Variants in ZNF7 observed in about 807,000 individuals in gnomAD.
ZNF7 encodes the protein zinc finger protein 7.
A neutral mutation model predicts 12.0 loss-of-function variants in ZNF7; 10 were observed. The observed-to-expected ratio is 0.83, with a 90% CI of 0.51 to 1.42. The LOEUF (loss-of-function observed/expected upper bound fraction) is 1.42, where lower values mean the gene tolerates loss of function less well. ZNF7 is among the 40% of genes most tolerant of loss of function. The pLI is 0.00. For synonymous variants in ZNF7, 334 were observed against 295.0 expected (o/e 1.13, Z -1.35); for missense variants, 854 against 837.2 (o/e 1.02, Z -0.25).
At chr8:144,829,306 G>A in intron 2 of ZNF7, 172 bp from the exon 3 acceptor site, 2 of 1,536,960 alleles carry the variant, frequency 1.3e-6, no homozygotes, top group South Asian at 1.2e-5. Context: ...CCATGGACTG[G>A]GTTCCTTCCT....
chr8:144,829,985 C>T (rs752934582), intron 3 of ZNF7: 20 of 163,974 alleles, frequency 1.2e-4, no homozygotes, highest in African/African-American at 2.1e-4. Context: ...TTGCAGATGC[C>T]GTCATCCCCT....
chr8:144,846,559 T>C (rs191521804), downstream of ZNF7: 1 of 193,552 alleles, frequency 5.2e-6, no homozygotes, highest in East Asian at 1.2e-4. Flanking sequence ...TGAAGGATTA[T>C]TTTTCCTCTC....
intron 3 of ZNF7, 109 bp downstream of exon 3, chr8:144,829,713 G>A: frequency 7.1e-7 from 1 of 1,403,772 alleles, no homozygotes; most frequent in Non-Finnish European, 9.5e-7. Flanking sequence ...GACCCTTGTG[G>A]GCTCCACAGG....
chr8:144,829,682 G>T lies in ZNF7; in HGVS notation c.130+78G>T, dbSNP rs1445153643. 3.3e-6 allele frequency: 5 copies of T among 1,525,416 alleles called. No homozygotes were observed. Among genetic ancestry groups the T allele is most frequent in the Admixed American group, 2.1e-5 (1 of 48,396 alleles). 94.5% of individuals were successfully genotyped at this position (1,525,416 alleles called of 1,614,324 possible). On this transcript the variant is annotated intron_variant, in intron 3 of 4. Coordinates refer to ENST00000532777, the MANE Select transcript of ZNF7 (RefSeq NM_003416.4). ...CAGCCAGGCCTCCATCAGAGGCTGGGGTATGCAGGCCAAACGCTCAGACCC... is the reference window on the plus strand; with the variant it reads ...CAGCCAGGCCTCCATCAGAGGCTGGTGTATGCAGGCCAAACGCTCAGACCC...
downstream of ZNF7, chr8:144,845,941 C>G (rs1448134830): frequency 6.5e-7 from 1 of 1,530,518 alleles, no homozygotes; most frequent in South Asian, 1.2e-5. Flanking sequence ...ACCTTCAGGT[C>G]TAGCACAGGG....
chr8:144,827,647 C>G, intron 1 of ZNF7, 38 bp downstream of exon 1: 1 of 985,534 alleles, frequency 1.0e-6, no homozygotes, highest in Middle Eastern at 5.2e-4. Context: ...GGGTTGCCCT[C>G]GGTCCGAGTG....
In ZNF7 at chr8:144,829,623, G is replaced by T. The variant is rs141707956; in HGVS notation, c.130+19G>T. 1,607 of 1,592,964 alleles carry T rather than the reference G, an allele frequency of 1.0e-3. 15 individuals carry two copies. The African/African-American group carries it at 0.019, about 19-fold the overall frequency. Reference sequence around the variant, plus strand: ...GGACTAGGTGAGGCTGCACCTTGGGGCCCCTTCCCCTGCATCATCAGTCAG... The same window carrying T: ...GGACTAGGTGAGGCTGCACCTTGGGTCCCCTTCCCCTGCATCATCAGTCAG... On this transcript the variant is annotated intron_variant, in intron 3 of 4. Coordinates refer to ENST00000532777, the MANE Select transcript of ZNF7 (RefSeq NM_003416.4).
chr8:144,837,371 C>T lies in ZNF7; in HGVS notation c.131-20C>T, dbSNP rs748647633. 1.5e-5 allele frequency: 24 copies of T among 1,587,042 alleles called. No individual in the cohort carries two copies. The African/African-American group carries it at 2.6e-4, about 17-fold the overall frequency. On this transcript the variant is annotated intron_variant, in intron 3 of 4. Coordinates refer to ENST00000532777, the MANE Select transcript of ZNF7 (RefSeq NM_003416.4). ...CTTCCCGTCATGCTGACACTGTTGTCTTCTCTGCCGCACACACAGCAGGAT... is the reference window on the plus strand; with the variant it reads ...CTTCCCGTCATGCTGACACTGTTGTTTTCTCTGCCGCACACACAGCAGGAT...
chr8:144,840,683 A>G (rs953249836), intron 4 of ZNF7, among the ~76,000 whole-genome samples: 1 of 152,122 alleles, frequency 6.6e-6, no homozygotes, highest in African/African-American at 2.4e-5. Context: ...GCCTCCAGAA[A>G]CTTGCAGCCC....
chr8:144,847,078 T>A (rs533775509), downstream of ZNF7: 1 of 152,164 alleles, frequency 6.6e-6, no homozygotes, highest in African/African-American at 2.4e-5. Context: ...GCCAAGGGTG[T>A]GAGCACATGA....
downstream of ZNF7, chr8:144,846,444 C>CA: frequency 2.8e-6 from 1 of 360,466 alleles, no homozygotes; most frequent in Non-Finnish European, 5.1e-6. Flanking sequence ...TGGTGATGCC[C>CA]AAGCGTCTTC....
chr8:144,829,045 C>T lies in ZNF7; in HGVS notation c.-43C>T, dbSNP rs1277375951. 4.0e-5 allele frequency: 65 copies of T among 1,613,696 alleles called. No homozygotes were observed. Among genetic ancestry groups the T allele is most frequent in the Non-Finnish European group, 4.7e-5 (55 of 1,179,870 alleles). ...AATCCTTTCATAATTGCCAACAGGTCTCTCGGCCAGAACACGTGGATGCCC... is the reference window on the plus strand; with the variant it reads ...AATCCTTTCATAATTGCCAACAGGTTTCTCGGCCAGAACACGTGGATGCCC... On this transcript the variant is annotated splice_region_variant and 5_prime_UTR_variant, in exon 2 of 5. Coordinates refer to ENST00000532777, the MANE Select transcript of ZNF7 (RefSeq NM_003416.4).
At chr8:144,832,526 G>C (rs1332886577) in intron 3 of ZNF7, among the ~76,000 whole-genome samples, 2 of 151,946 alleles carry the variant, frequency 1.3e-5, no homozygotes, top group African/African-American at 4.8e-5. Context: ...GTCAGAGTTT[G>C]AGACCAGCCT....
At position 144,828,068 on chromosome 8, in the gene ZNF7, T is replaced by G. The variant is rs75613703; in HGVS notation, c.-46+459T>G. On this transcript the variant is annotated intron_variant, in intron 1 of 4. Transcript: ENST00000532777. Reference sequence around the variant, plus strand: ...CCTTGGGTGGGGTAGGCTGTTTGTCTTCTCTAAATTCTGGTTGCTATTCCG... The same window carrying G: ...CCTTGGGTGGGGTAGGCTGTTTGTCGTCTCTAAATTCTGGTTGCTATTCCG... 132 of 152,422 alleles carry G rather than the reference T, an allele frequency of 8.7e-4. 2 individuals carry two copies. In the East Asian group the frequency reaches 0.024, roughly 28 times the overall value. 9.4% of individuals were successfully genotyped at this position (152,422 alleles called of 1,614,324 possible). A position where few individuals can be genotyped will look rare whatever the true frequency, so the allele number is the denominator to read the frequency against.
Position 144,842,973 on chromosome 8 carries a change from G to A in ZNF7, c.1866G>A (p.Val622=). ...YGNALEGSTF[V]SRKKVNTIKK... is the part of the protein sequence containing the mutation. Reference sequence around the variant, plus strand: ...ATGCCCTGGAAGGGTCCACCTTTGTGAGCCGTAAAAAGGTTAATACTATAA... The same window carrying A: ...ATGCCCTGGAAGGGTCCACCTTTGTAAGCCGTAAAAAGGTTAATACTATAA... Residue 622 remains valine, a synonymous_variant, in exon 5 of 5, where the codon GTG becomes GTA. Transcript: ENST00000532777. 1 of 1,614,202 alleles carries A rather than the reference G, an allele frequency of 6.2e-7. No individual in the cohort carries two copies. The highest frequency in any genetic ancestry group is 8.5e-7 in the Non-Finnish European group (1 of 1,180,038).
intron 4 of ZNF7, 180 bp from the exon 5 acceptor site, chr8:144,841,175 T>G (rs993821963): frequency 2.8e-5 from 19 of 666,818 alleles, no homozygotes; most frequent in African/African-American, 1.8e-4. Flanking sequence ...AGGTAAAAAG[T>G]ATGAAACCAC....
chr8:144,828,256 G>A (rs1828021975), intron 1 of ZNF7, among the ~76,000 whole-genome samples: 2 of 152,168 alleles, frequency 1.3e-5, no homozygotes, highest in South Asian at 4.1e-4. Flanking sequence ...AGAGGGTCTG[G>A]GGTCATTGGC....
intron 3 of ZNF7, chr8:144,836,086 CTA>C (rs1378779847): frequency 1.3e-5 from 2 of 152,174 alleles, no homozygotes; most frequent in African/African-American, 4.8e-5. Context: ...TGGCATATGC[CTA>C]TAATCTCAGT....
rs746849807 is a variant in ZNF7 at position 144,843,025 on chromosome 8, G to C, written c.1918G>C (p.Glu640Gln). The change falls in exon 5 of 5, where the codon GAG (glutamate) becomes CAG (glutamine). Residue 640 changes from glutamate (E) to glutamine (Q), a missense_variant. By Grantham distance (29) the Glu-to-Gln change is conservative. Coordinates refer to ENST00000532777, the MANE Select transcript of ZNF7 (RefSeq NM_003416.4). ...GAAACTGCATCAGTGTGAAGACTGT[G>C]AGAAGATATTTAGGTGGCGTTCACA... ...IKKLHQCEDCEKIFRWRSHLI... is the reference protein window; with the variant it reads ...IKKLHQCEDCQKIFRWRSHLI... 1 of 1,614,190 alleles carries C rather than the reference G, an allele frequency of 6.2e-7. No homozygotes were observed. The highest frequency in any genetic ancestry group is 1.3e-5 in the African/African-American group (1 of 75,044).
Sources: gnomAD v4.1 joint callset for allele counts (sites outside exome capture counted in the v4.1 genomes callset) on GRCh38, gnomAD v4.1.1 for gene constraint, MANE v1.5 for transcripts, NCBI Gene and HGNC (gene_info 2026-07-23, HGNC 2026-07-21) for gene names.